MCCC2: variants seen among roughly 807,000 people sequenced by gnomAD.
MCCC2 encodes the protein methylcrotonyl-CoA carboxylase subunit 2, also known as methylcrotonoyl-CoA carboxylase beta chain, mitochondrial.
MCCC2 carries 52 observed loss-of-function variants against 77.2 expected under a neutral mutation model. The observed-to-expected ratio is 0.67, with a 90% CI of 0.54 to 0.85. MCCC2 has a LOEUF of 0.85. Ranked by LOEUF, MCCC2 falls within the 40% of genes least tolerant of loss-of-function variation. The pLI is 0.00. For synonymous variants in MCCC2, 253 were observed against 248.4 expected, an observed-to-expected ratio of 1.02 and a Z score of -0.18; for missense variants, 682 against 703.2, an observed-to-expected ratio of 0.97 and a Z score of 0.34.
At chr5:71,591,501 A>G (rs1172497784) in intron 1 of MCCC2, among the ~76,000 whole-genome samples, 1 of 144,818 alleles carries the variant, frequency 6.9e-6, no homozygotes, top group African/African-American at 2.6e-5. Context: ...CAATGATGCA[A>G]TCTTGGCTCA....
chr5:71,629,904 G>A (rs750673991), intron 7 of MCCC2, among the ~76,000 whole-genome samples: 9 of 152,140 alleles, frequency 5.9e-5, no homozygotes, highest in Non-Finnish European at 1.2e-4. Flanking sequence ...ACTAGAAAAT[G>A]AGTAAAGATA....
chr5:71,622,259 G>A (rs776037284), intron 6 of MCCC2, among the ~76,000 whole-genome samples: 18 of 143,160 alleles, frequency 1.3e-4, no homozygotes, highest in Non-Finnish European at 2.0e-4. Flanking sequence ...ATGGCAAAAC[G>A]CCATCTCTAC....
intron 11 of MCCC2, chr5:71,641,429 T>A (rs974757650): frequency 6.4e-6 from 2 of 312,884 alleles, no homozygotes; most frequent in African/African-American, 2.2e-5. Context: ...CAGCACTGTT[T>A]CCTTTGTTCT....
chr5:71,635,279 C>A, intron 10 of MCCC2, 33 bp downstream of exon 10: 1 of 1,568,088 alleles, frequency 6.4e-7, no homozygotes, highest in South Asian at 1.1e-5. Flanking sequence ...GCTTTATGAC[C>A]AGCTGTGAGT....
chr5:71,646,354 C>A, intron 13 of MCCC2, 77 bp downstream of exon 13: 1 of 1,323,804 alleles, frequency 7.6e-7, no homozygotes, highest in Non-Finnish European at 1.1e-6. Flanking sequence ...TATTGGACAG[C>A]ACACATGTAG....
At chr5:71,653,286 T>G (rs908920424) in intron 16 of MCCC2, among the ~76,000 whole-genome samples, 1 of 152,186 alleles carries the variant, frequency 6.6e-6, no homozygotes, top group East Asian at 1.9e-4. Flanking sequence ...CACAGACCAT[T>G]GCCGCTGTTG....
At chr5:71,600,453 T>C (rs1002084752) in intron 4 of MCCC2, among the ~76,000 whole-genome samples, 30 of 151,086 alleles carry the variant, frequency 2.0e-4, no homozygotes, top group African/African-American at 7.3e-4. Flanking sequence ...TGAGTTGGGG[T>C]CTTACTCTGT....
chr5:71,597,917 T>C (rs2112300321), intron 3 of MCCC2, among the ~76,000 whole-genome samples: 1 of 152,332 alleles, frequency 6.6e-6, no homozygotes, highest in African/African-American at 2.4e-5. Flanking sequence ...GGGGCAAGAT[T>C]GCTTATGAAG....
At chr5:71,620,866 A>G (rs1746328355) in intron 6 of MCCC2, among the ~76,000 whole-genome samples, 1 of 152,122 alleles carries the variant, frequency 6.6e-6, no homozygotes, top group South Asian at 2.1e-4. Context: ...ACCTTGCAAG[A>G]GTGATCTCTG....
At chr5:71,631,580 G>A (rs541040082) in intron 7 of MCCC2, among the ~76,000 whole-genome samples, 10 of 139,618 alleles carry the variant, frequency 7.2e-5, no homozygotes, top group Non-Finnish European at 1.1e-4. Context: ...TCGCTCTGTC[G>A]CCCAGGCCGG....
At chr5:71,599,782 C>T (rs1311599747) in intron 4 of MCCC2, 22 bp downstream of exon 4, 1 of 1,590,178 alleles carries the variant, frequency 6.3e-7, no homozygotes, top group Non-Finnish European at 8.6e-7. Context: ...ACTTGTGCTT[C>T]ATAATGTGGG....
chr5:71,633,134 TTTA>T (rs1280346454), intron 8 of MCCC2, among the ~76,000 whole-genome samples: 6 of 128,222 alleles, frequency 4.7e-5, no homozygotes, highest in African/African-American at 1.9e-4. Context: ...TATATATATT[TTTA>T]TTTTTTGTAG....
chr5:71,609,933 C>A (rs949659903), intron 6 of MCCC2, among the ~76,000 whole-genome samples: 1 of 152,066 alleles, frequency 6.6e-6, no homozygotes, highest in African/African-American at 2.4e-5. Context: ...GTTCTCAGAT[C>A]TCCAGCTGTG....
chr5:71,626,860 A>T (rs1391856897), intron 7 of MCCC2, 107 bp downstream of exon 7: 3 of 1,059,376 alleles, frequency 2.8e-6, no homozygotes, highest in Middle Eastern at 2.4e-4. Flanking sequence ...TAAAATATGC[A>T]TAACATAAAA....
At chr5:71,638,612 C>T (rs1488908877) in intron 10 of MCCC2, among the ~76,000 whole-genome samples, 1 of 152,036 alleles carries the variant, frequency 6.6e-6, no homozygotes, top group Non-Finnish European at 1.5e-5. Context: ...CCTCTATCTT[C>T]CAGGTTCAAG....
intron 6 of MCCC2, among the ~76,000 whole-genome samples, chr5:71,612,988 G>A (rs1746019459): frequency 1.3e-5 from 2 of 152,176 alleles, no homozygotes. Context: ...GCCTCTTCCA[G>A]CTCCTGGTGG....
At chr5:71,593,478 A>G (rs1013672876) in intron 2 of MCCC2, among the ~76,000 whole-genome samples, 1 of 152,086 alleles carries the variant, frequency 6.6e-6, no homozygotes, top group Non-Finnish European at 1.5e-5. Flanking sequence ...TTCTCTTCAT[A>G]GAGTACTACC....
Position 71,609,807 on chromosome 5 carries a change from G to A in MCCC2, c.624+5339G>A, listed in dbSNP as rs1479167899. Among the ~76,000 whole-genome samples, 4 of 152,026 alleles carry A rather than the reference G, an allele frequency of 2.6e-5. No homozygotes were observed. In the South Asian group the frequency reaches 6.2e-4, roughly 24 times the overall value. On this transcript the variant is annotated intron_variant, in intron 6 of 16. Coordinates refer to ENST00000340941, the MANE Select transcript of MCCC2 (RefSeq NM_022132.5). Reference sequence around the variant, plus strand: ...TAACAGACAGGACCCTCAGCTGCAGGTCTGTTGGAATACCCTGCCGTGTGA... The same window carrying A: ...TAACAGACAGGACCCTCAGCTGCAGATCTGTTGGAATACCCTGCCGTGTGA...
At chr5:71,603,394 C>A (rs189560925) in intron 5 of MCCC2, among the ~76,000 whole-genome samples, 2 of 109,990 alleles carry the variant, frequency 1.8e-5, no homozygotes, top group Non-Finnish European at 3.4e-5. Context: ...CCAGCCTGGG[C>A]GACAGAGAGA....
Sources: allele counts gnomAD v4.1 joint callset (sites outside exome capture counted in the v4.1 genomes callset), GRCh38; gene constraint gnomAD v4.1.1; transcripts MANE v1.5; gene names NCBI Gene and HGNC (gene_info 2026-07-23, HGNC 2026-07-21).